Variants in GOLGA4 observed in about 807,000 individuals in gnomAD.
GOLGA4 encodes the protein golgin subfamily A member 4.
A neutral mutation model predicts 265.9 loss-of-function variants in GOLGA4; 169 were observed. The observed-to-expected ratio is 0.64, with a 90% CI of 0.56 to 0.72. The LOEUF is 0.72. GOLGA4 is among the 30% of genes least tolerant of loss of function. The probability of loss-of-function intolerance (pLI) is 0.00; values close to 1 mark genes in which losing one functional copy is unlikely to be tolerated. For synonymous variants in GOLGA4, 923 were observed against 855.8 expected (o/e 1.08, Z -1.37); for missense variants, 2,482 against 2,483.4 (o/e 1.00, Z 0.01).
At chr3:37,289,652 G>A (rs755097634) in intron 5 of GOLGA4, among the ~76,000 whole-genome samples, 9 of 152,042 alleles carry the variant, frequency 5.9e-5, no homozygotes, top group African/African-American at 9.7e-5. Flanking sequence ...AATTTTGAGG[G>A]GGGTGGGTAA....
At chr3:37,277,223 A>G (rs1390518618) in intron 2 of GOLGA4, among the ~76,000 whole-genome samples, 30 of 152,200 alleles carry the variant, frequency 2.0e-4, no homozygotes, top group Non-Finnish European at 5.9e-5. Flanking sequence ...TTGTACATGT[A>G]TATTACTTGT....
In GOLGA4 at chr3:37,282,089, C is replaced by G; in HGVS notation, c.294C>G (p.Ser98=). The G allele has an allele frequency of 6.2e-7, 1 of 1,614,136 alleles. No homozygotes were observed. Among genetic ancestry groups the G allele is most frequent in the Non-Finnish European group, 8.5e-7 (1 of 1,179,988 alleles). Reference sequence around the variant, plus strand: ...AAGAGTCTTTGGTACGAACATCTTCCAGAGAATCCCTGAATCGACTTGACC... The same window carrying G: ...AAGAGTCTTTGGTACGAACATCTTCGAGAGAATCCCTGAATCGACTTGACC... The part of the protein sequence containing the change: ...SSKESLVRTS[S]RESLNRLDLD... Residue 98 remains serine, a synonymous_variant, in exon 3 of 24, where the codon TCC becomes TCG. Transcript: ENST00000361924.
At chr3:37,348,789 C>T (rs2097064286) in intron 21 of GOLGA4, among the ~76,000 whole-genome samples, 1 of 152,178 alleles carries the variant, frequency 6.6e-6, no homozygotes, top group Non-Finnish European at 1.5e-5. Flanking sequence ...TAACCTGTTT[C>T]TTCTGAAGGT....
chr3:37,366,128 T>C lies in GOLGA4; in HGVS notation c.*82T>C. ...AAGAAGAGTGACATTGGGTGACTGC[T>C]GCTTGGAAAACTGTCCACACTTGCT... On this transcript the variant is annotated 3_prime_UTR_variant, in exon 24 of 24. Transcript: ENST00000361924. The C allele has an allele frequency of 6.6e-7, 1 of 1,515,824 alleles. No individual in the cohort carries two copies. Among genetic ancestry groups the C allele is most frequent in the Non-Finnish European group, 8.8e-7 (1 of 1,133,352 alleles). The allele number at this position is 1,515,824 out of a possible 1,614,324, so 93.9% of individuals were successfully genotyped here.
At chr3:37,365,799 C>CT (rs376627490) in intron 23 of GOLGA4, among the ~76,000 whole-genome samples, 6,038 of 129,738 alleles carry the variant, frequency 0.047, 204 homozygotes, top group African/African-American at 0.11. Flanking sequence ...ACAATTTCTA[C>CT]TTTTTTTTTT....
At chr3:37,359,843 G>A (rs181226048) in intron 22 of GOLGA4, among the ~76,000 whole-genome samples, 1 of 152,266 alleles carries the variant, frequency 6.6e-6, no homozygotes, top group East Asian at 1.9e-4. Context: ...TGCATGCAAG[G>A]TGGGTTCAGG....
chr3:37,309,588 CAAA>C (rs927651807), intron 10 of GOLGA4, among the ~76,000 whole-genome samples: 3 of 151,898 alleles, frequency 2.0e-5, no homozygotes, highest in African/African-American at 7.3e-5. Flanking sequence ...AAAAAACAAA[CAAA>C]AAAAACCAGT....
intron 10 of GOLGA4, among the ~76,000 whole-genome samples, chr3:37,312,317 C>A (rs75781004): frequency 0.038 from 5,842 of 152,194 alleles, 143 homozygotes; most frequent in African/African-American, 0.056. Context: ...AGTCACTTTA[C>A]TTGACTGATT....
Position 37,296,213 on chromosome 3 carries a change from C to G in GOLGA4, c.808C>G (p.Pro270Ala). 6.2e-7 allele frequency: 1 copy of G among 1,613,772 alleles called. No homozygotes were observed. The highest frequency in any genetic ancestry group is 1.1e-5 in the South Asian group (1 of 91,084). ...KEENPESDGE[P>A]VVEDGTSVKT... is the part of the protein sequence containing the mutation. ...AGAGAATCCAGAAAGTGATGGAGAG[C>G]CAGTAGGTAAGCTTCATTTTGTCAA... Residue 270 changes from proline to alanine, a missense_variant, in exon 7 of 24, where the codon CCA becomes GCA. Pro to Ala is a conservative substitution (Grantham distance 27). Transcript: ENST00000361924.
rs751049338 is a variant in GOLGA4, at chr3:37,326,128, G to T, written c.4242G>T (p.Val1414=). The change falls in exon 14 of 24, where the codon GTG becomes GTT. Residue 1414 remains valine (V), a synonymous_variant. Coordinates refer to ENST00000361924, the MANE Select transcript of GOLGA4 (RefSeq NM_002078.5). ...AAAAATGTGAATTGCTGGATCAGGT[G>T]CAAGATTTATCTTTTAAAGTTGACA... ...DEEKCELLDQ[V]QDLSFKVDTL... is the part of the protein sequence containing the mutation. 1 of 1,613,730 alleles carries T rather than the reference G, an allele frequency of 6.2e-7. No individual in the cohort carries two copies. The highest frequency in any genetic ancestry group is 8.5e-7 in the Non-Finnish European group (1 of 1,179,744).
In GOLGA4 at chr3:37,321,889, A is replaced by T; in HGVS notation, c.1701+3A>T. On this transcript the variant is annotated splice_donor_region_variant and intron_variant, in intron 13 of 23. Transcript: ENST00000361924. ...AAGAAGCAGAGACTTACAGAACTGTAAGTTTTAATAATATTCAGATTCTGG... is the reference window on the plus strand; with the variant it reads ...AAGAAGCAGAGACTTACAGAACTGTTAGTTTTAATAATATTCAGATTCTGG... 1 of 1,584,412 alleles carries T rather than the reference A, an allele frequency of 6.3e-7. No individual in the cohort carries two copies. The highest frequency in any genetic ancestry group is 8.5e-7 in the Non-Finnish European group (1 of 1,169,600).
intron 20 of GOLGA4, 86 bp from the exon 21 acceptor site, chr3:37,347,107 G>A: frequency 1.3e-6 from 1 of 750,344 alleles, no homozygotes; most frequent in East Asian, 2.6e-5. Context: ...TTGTTCCATT[G>A]GTTGTTTTTT....
At chr3:37,344,077 A>G (rs149872696) in intron 20 of GOLGA4, among the ~76,000 whole-genome samples, 10 of 152,358 alleles carry the variant, frequency 6.6e-5, no homozygotes, top group African/African-American at 2.4e-4. Context: ...CAAGAAAAGC[A>G]GGATAAATTC....
chr3:37,365,104 C>A (rs1455363437), intron 23 of GOLGA4, among the ~76,000 whole-genome samples: 1 of 151,984 alleles, frequency 6.6e-6, no homozygotes, highest in Non-Finnish European at 1.5e-5. Flanking sequence ...ACTATGTTGC[C>A]CAGGCTGTTT....
intron 10 of GOLGA4, among the ~76,000 whole-genome samples, chr3:37,304,054 G>A (rs977796891): frequency 3.9e-5 from 6 of 152,066 alleles, no homozygotes; most frequent in Non-Finnish European, 7.3e-5. Context: ...TAACCATATA[G>A]AGGTCTTGAG....
chr3:37,281,232 T>G (rs1030876918), intron 2 of GOLGA4, among the ~76,000 whole-genome samples: 1 of 152,212 alleles, frequency 6.6e-6, no homozygotes, highest in African/African-American at 2.4e-5. Context: ...CTTATCACTG[T>G]CTAACATTGG....
At chr3:37,345,737 C>T (rs185993177) in intron 20 of GOLGA4, among the ~76,000 whole-genome samples, 4 of 152,130 alleles carry the variant, frequency 2.6e-5, no homozygotes, top group Non-Finnish European at 5.9e-5. Context: ...TCATGAGGTC[C>T]GGAGTTCAAG....
Position 37,366,161 on chromosome 3 carries a change from G to A in GOLGA4, c.*115G>A. 7.1e-7 allele frequency: 1 copy of A among 1,406,646 alleles called. No individual in the cohort carries two copies. The highest frequency in any genetic ancestry group is 1.4e-5 in the African/African-American group (1 of 69,472). The allele number at this position is 1,406,646 out of a possible 1,614,324, so 87.1% of individuals were successfully genotyped here. On this transcript the variant is annotated 3_prime_UTR_variant, in exon 24 of 24. Transcript: ENST00000361924. Reference sequence around the variant, plus strand: ...AAACTGTCCACACTTGCTACTCTTTGAGAATGAAGTTGTCATTCAGGGCCC... The same window carrying A: ...AAACTGTCCACACTTGCTACTCTTTAAGAATGAAGTTGTCATTCAGGGCCC...
chr3:37,281,384 C>T (rs1272962225), intron 2 of GOLGA4, among the ~76,000 whole-genome samples: 1 of 152,084 alleles, frequency 6.6e-6, no homozygotes, highest in Non-Finnish European at 1.5e-5. Flanking sequence ...CCTCACATTC[C>T]CTTATTAAAC....
Sources: gnomAD v4.1 joint callset for allele counts (sites outside exome capture counted in the v4.1 genomes callset) on GRCh38, gnomAD v4.1.1 for gene constraint, MANE v1.5 for transcripts, NCBI Gene and HGNC (gene_info 2026-07-23, HGNC 2026-07-21) for gene names.